UPP2: variants seen among roughly 807,000 people sequenced by gnomAD.
The protein encoded by UPP2 is uridine phosphorylase 2.
Under a neutral mutation model 26.7 loss-of-function variants are expected in UPP2, and 23 were observed. The observed-to-expected ratio is 0.86, with a 90% CI of 0.62 to 1.22. UPP2 has a LOEUF of 1.22. Ranked by LOEUF, UPP2 falls within the 50% of genes most tolerant of loss-of-function variation. The pLI is 0.00. For synonymous variants in UPP2, 127 were observed against 141.3 expected, an observed-to-expected ratio of 0.90 and a Z score of 0.72; for missense variants, 387 against 396.7, an observed-to-expected ratio of 0.98 and a Z score of 0.21.
intron 6 of UPP2, among the ~76,000 whole-genome samples, chr2:158,124,228 C>T (rs1392693381): frequency 6.6e-6 from 1 of 152,052 alleles, no homozygotes; most frequent in African/African-American, 2.4e-5. Context: ...CAAAATATTC[C>T]TAAAATAGTC....
intron 3 of UPP2, among the ~76,000 whole-genome samples, chr2:158,033,283 C>T (rs1683951857): frequency 2.0e-5 from 3 of 152,126 alleles, no homozygotes; most frequent in African/African-American, 4.8e-5. Flanking sequence ...TAGCTCCACT[C>T]CCAGGGAGGT....
intron 3 of UPP2, among the ~76,000 whole-genome samples, chr2:158,077,961 C>CA (rs1460730655): frequency 6.6e-6 from 1 of 151,774 alleles, no homozygotes; most frequent in African/African-American, 2.4e-5. Flanking sequence ...CCAATGAAAA[C>CA]ATGGGCAAAA....
At chr2:158,071,169 C>T (rs903935864) in intron 3 of UPP2, among the ~76,000 whole-genome samples, 9 of 152,068 alleles carry the variant, frequency 5.9e-5, no homozygotes, top group Admixed American at 5.9e-4. Flanking sequence ...TGGACTAGGG[C>T]GGCACGTGAC....
At chr2:158,097,108 A>T (rs1682997641), upstream of UPP2, among the ~76,000 whole-genome samples, 1 of 152,120 alleles carries the variant, frequency 6.6e-6, no homozygotes, top group Admixed American at 6.5e-5. Context: ...GAAAAAAATA[A>T]AATAAAGTAA....
At chr2:157,998,800 AAAAATAAAAT>A (rs563127974) in intron 2 of UPP2, among the ~76,000 whole-genome samples, 1 of 152,204 alleles carries the variant, frequency 6.6e-6, no homozygotes, top group African/African-American at 2.4e-5. Flanking sequence ...ACTCTGTCGC[AAAAATAAAAT>A]AAAATAAAAT....
At chr2:157,997,475 T>A (rs1228430092) in intron 2 of UPP2, among the ~76,000 whole-genome samples, 23 of 152,170 alleles carry the variant, frequency 1.5e-4, no homozygotes, top group Non-Finnish European at 8.8e-5. Context: ...TATTTTTAAA[T>A]TGTTAGCAAA....
At chr2:158,127,378 CTTGT>C (rs1173461306) in intron 6 of UPP2, among the ~76,000 whole-genome samples, 1 of 151,926 alleles carries the variant, frequency 6.6e-6, no homozygotes, top group Non-Finnish European at 1.5e-5. Flanking sequence ...GAACAGGGAC[CTTGT>C]TTGTCATTGC....
At chr2:158,048,981 T>G (rs868660944) in intron 3 of UPP2, among the ~76,000 whole-genome samples, 6 of 152,304 alleles carry the variant, frequency 3.9e-5, no homozygotes, top group Middle Eastern at 3.4e-3. Context: ...TTCTCCACTA[T>G]GGCATCTCCC....
chr2:158,033,062 G>A (rs989330214), intron 3 of UPP2, among the ~76,000 whole-genome samples: 1 of 152,038 alleles, frequency 6.6e-6, no homozygotes. Flanking sequence ...AGGAGGCCAG[G>A]GGTCATTTAG....
chr2:158,096,852 A>G (rs1682993870), intron 3 of UPP2, among the ~76,000 whole-genome samples: 1 of 152,122 alleles, frequency 6.6e-6, no homozygotes, highest in African/African-American at 2.4e-5. Flanking sequence ...TTTATCATCT[A>G]TACTTCAACT....
chr2:158,098,933 T>C (rs973452058), upstream of UPP2, among the ~76,000 whole-genome samples: 1 of 152,158 alleles, frequency 6.6e-6, no homozygotes, highest in Admixed American at 6.5e-5. Flanking sequence ...AATTGTACAC[T>C]CTTAATAGCT....
chr2:158,035,601 C>G (rs574227415), intron 3 of UPP2, among the ~76,000 whole-genome samples: 12 of 152,324 alleles, frequency 7.9e-5, no homozygotes, highest in Admixed American at 6.5e-4. Context: ...TACCCTACTA[C>G]TGCGGCATGG....
At chr2:158,053,945 G>A (rs761015984) in intron 3 of UPP2, among the ~76,000 whole-genome samples, 2 of 152,194 alleles carry the variant, frequency 1.3e-5, no homozygotes, top group Non-Finnish European at 2.9e-5. Flanking sequence ...TCTGTCACAA[G>A]CATTTTCACA....
Position 158,078,829 on chromosome 2 carries a change from C to CG in UPP2, c.148-23210dup, listed in dbSNP as rs560654641. On this transcript the variant is annotated intron_variant, in intron 3 of 9. Transcript: ENST00000605860. ...GAAATGTTTGAGGGGATGGATACCC[C>CG]GTTTACCCTGATGTGGTTATTGCAT... 2.7e-3 allele frequency among the ~76,000 whole-genome samples: 410 copies of CG among 152,164 alleles called. 2 individuals carry two copies. Among genetic ancestry groups the CG allele is most frequent in the Non-Finnish European group, 4.9e-3 (332 of 67,994 alleles).
chr2:158,118,082 G>T, intron 4 of UPP2, 144 bp downstream of exon 4: 1 of 666,924 alleles, frequency 1.5e-6, no homozygotes. Flanking sequence ...GAAACTTAAG[G>T]AAATCTGCCC....
intron 3 of UPP2, among the ~76,000 whole-genome samples, chr2:158,066,756 T>G (rs1031208901): frequency 6.6e-6 from 1 of 152,102 alleles, no homozygotes; most frequent in Non-Finnish European, 1.5e-5. Context: ...GTCTTTAATG[T>G]CTTCAGACAG....
chr2:158,124,002 A>C, intron 6 of UPP2, 107 bp downstream of exon 6: 1 of 1,241,726 alleles, frequency 8.1e-7, no homozygotes, highest in Non-Finnish European at 1.1e-6. Flanking sequence ...CTTGGGCTGA[A>C]GGCATGACTT....
chr2:158,111,643 T>A (rs934498298), intron 2 of UPP2, among the ~76,000 whole-genome samples: 31 of 152,178 alleles, frequency 2.0e-4, no homozygotes, highest in Non-Finnish European at 1.5e-5. Flanking sequence ...CTGCTTTCCA[T>A]TTCTTTATTC....
chr2:158,098,721 GAA>G (rs1683026461), upstream of UPP2, among the ~76,000 whole-genome samples: 1 of 152,156 alleles, frequency 6.6e-6, no homozygotes, highest in South Asian at 2.1e-4. Flanking sequence ...GTATCTAAAA[GAA>G]AATAAATCAT....
Sources: allele counts gnomAD v4.1 joint callset (sites outside exome capture counted in the v4.1 genomes callset), GRCh38; gene constraint gnomAD v4.1.1; transcripts MANE v1.5; gene names NCBI Gene and HGNC (gene_info 2026-07-23, HGNC 2026-07-21).